The following COMMD10 variants were observed in gnomAD, a reference collection of about 807,000 sequenced individuals.
COMMD10 encodes the protein COMM domain containing 10, also known as COMM domain-containing protein 10.
COMMD10 carries 33 observed loss-of-function variants against 28.9 expected under a neutral mutation model. That is an observed-to-expected ratio of 1.14 (90% CI 0.87 to 1.53). The LOEUF (loss-of-function observed/expected upper bound fraction) is 1.53, where lower values mean the gene tolerates loss of function less well. Among genes scored for constraint, COMMD10 ranks in the 40% most tolerant of loss-of-function variants. The probability of loss-of-function intolerance (pLI) is 0.00; values close to 1 mark genes in which losing one functional copy is unlikely to be tolerated. For synonymous variants in COMMD10, 110 were observed against 81.7 expected, an observed-to-expected ratio of 1.35 and a Z score of -1.87; for missense variants, 310 against 233.4, an observed-to-expected ratio of 1.33 and a Z score of -2.14.
intron 4 of COMMD10, among the ~76,000 whole-genome samples, chr5:116,114,275 A>G (rs991094372): frequency 6.6e-6 from 1 of 151,900 alleles, no homozygotes; most frequent in Non-Finnish European, 1.5e-5. Flanking sequence ...TCTTTTGGAT[A>G]CCAGTTGTGG....
chr5:116,284,973 C>A (rs1282237862), intron 5 of COMMD10, among the ~76,000 whole-genome samples: 1 of 151,886 alleles, frequency 6.6e-6, no homozygotes, highest in African/African-American at 2.4e-5. Context: ...TGAAAATCCA[C>A]TTAATTGATG....
chr5:116,187,791 T>A (rs1748191249), intron 5 of COMMD10, among the ~76,000 whole-genome samples: 1 of 152,202 alleles, frequency 6.6e-6, no homozygotes, highest in Non-Finnish European at 1.5e-5. Flanking sequence ...GAATTCCAAG[T>A]ATTTATACTT....
intron 5 of COMMD10, among the ~76,000 whole-genome samples, chr5:116,245,067 T>G (rs1208211567): frequency 6.8e-6 from 1 of 147,440 alleles, no homozygotes; most frequent in Non-Finnish European, 1.5e-5. Flanking sequence ...AAAAAATTAA[T>G]AAAATACATA....
At chr5:116,277,042 T>C (rs2112703843) in intron 5 of COMMD10, among the ~76,000 whole-genome samples, 1 of 151,948 alleles carries the variant, frequency 6.6e-6, no homozygotes, top group African/African-American at 2.4e-5. Context: ...CATGAATATT[T>C]CCATAAAGCT....
intron 5 of COMMD10, among the ~76,000 whole-genome samples, chr5:116,274,679 C>T (rs555572220): frequency 4.6e-5 from 7 of 151,790 alleles, no homozygotes; most frequent in Non-Finnish European, 8.8e-5. Flanking sequence ...CATTTGGATT[C>T]TTGGGAGCAG....
chr5:116,243,685 G>C (rs1223086492), intron 5 of COMMD10, among the ~76,000 whole-genome samples: 1 of 152,104 alleles, frequency 6.6e-6, no homozygotes, highest in African/African-American at 2.4e-5. Flanking sequence ...TCTATCTCAA[G>C]TCAAAAACAT....
intron 5 of COMMD10, among the ~76,000 whole-genome samples, chr5:116,187,191 AC>A (rs1320657068): frequency 1.3e-5 from 2 of 152,118 alleles, no homozygotes; most frequent in Non-Finnish European, 2.9e-5. Context: ...AATATATTAG[AC>A]CCTTTTCAGC....
chr5:116,151,195 C>G (rs1342702973), intron 5 of COMMD10, among the ~76,000 whole-genome samples: 2 of 151,562 alleles, frequency 1.3e-5, no homozygotes, highest in Non-Finnish European at 2.9e-5. Context: ...AGCCTTGCAT[C>G]CCAGGGATGA....
chr5:116,211,325 A>G (rs1024731203), intron 5 of COMMD10, among the ~76,000 whole-genome samples: 4 of 152,168 alleles, frequency 2.6e-5, no homozygotes, highest in African/African-American at 9.7e-5. Flanking sequence ...CAGCTATGCT[A>G]TATCATATAG....
chr5:116,239,686 A>ATT (rs1027265781), intron 5 of COMMD10, among the ~76,000 whole-genome samples: 17 of 152,160 alleles, frequency 1.1e-4, no homozygotes, highest in African/African-American at 4.1e-4. Flanking sequence ...GTGCAAACCA[A>ATT]TTAAAAGCCC....
At chr5:116,088,636 AC>A (rs1750200713) in intron 2 of COMMD10, among the ~76,000 whole-genome samples, 1 of 152,144 alleles carries the variant, frequency 6.6e-6, no homozygotes, top group South Asian at 2.1e-4. Flanking sequence ...CCCATTTACT[AC>A]AACTTGCCAT....
intron 5 of COMMD10, among the ~76,000 whole-genome samples, chr5:116,260,248 A>C (rs1196617714): frequency 6.6e-6 from 1 of 151,824 alleles, no homozygotes; most frequent in East Asian, 1.9e-4. Context: ...AATGTGCTGA[A>C]TATTGCTGAT....
chr5:116,270,506 T>A (rs1415519124), intron 5 of COMMD10, among the ~76,000 whole-genome samples: 1 of 151,818 alleles, frequency 6.6e-6, no homozygotes, highest in Admixed American at 6.6e-5. Flanking sequence ...AGAATGGAGA[T>A]ACTGATGAAA....
intron 5 of COMMD10, among the ~76,000 whole-genome samples, chr5:116,231,768 C>T (rs1580567587): frequency 6.6e-6 from 1 of 151,814 alleles, no homozygotes; most frequent in East Asian, 1.9e-4. Flanking sequence ...TTATTGGCTA[C>T]TTAAAAGTCT....
chr5:116,187,160 C>G (rs188918013), intron 5 of COMMD10, among the ~76,000 whole-genome samples: 2 of 152,004 alleles, frequency 1.3e-5, no homozygotes, highest in African/African-American at 4.8e-5. Context: ...AAAAGAGACC[C>G]CAGAAAGTGT....
chr5:116,141,678 G>A (rs567570718), intron 5 of COMMD10, among the ~76,000 whole-genome samples: 1 of 151,888 alleles, frequency 6.6e-6, no homozygotes, highest in Middle Eastern at 3.4e-3. Context: ...CAATGGTATA[G>A]TAGCGGGGGG....
At chr5:116,232,699 T>C (rs371849170) in intron 5 of COMMD10, among the ~76,000 whole-genome samples, 2 of 152,214 alleles carry the variant, frequency 1.3e-5, no homozygotes, top group South Asian at 4.1e-4. Flanking sequence ...CAAGACTCCG[T>C]CTCAAAAAAT....
intron 4 of COMMD10, among the ~76,000 whole-genome samples, chr5:116,129,353 A>G (rs1191954607): frequency 6.9e-6 from 1 of 145,820 alleles, no homozygotes; most frequent in Admixed American, 7.0e-5. Context: ...TATAGTATAT[A>G]TATGCTATAT....
At chr5:116,263,501 T>A (rs1168321875) in intron 5 of COMMD10, among the ~76,000 whole-genome samples, 9 of 151,754 alleles carry the variant, frequency 5.9e-5, no homozygotes. Context: ...TTGTTTTCCT[T>A]CCTTTCTTTC....
Sources: gnomAD v4.1 joint callset for allele counts (sites outside exome capture counted in the v4.1 genomes callset) on GRCh38, gnomAD v4.1.1 for gene constraint, MANE v1.5 for transcripts, NCBI Gene and HGNC (gene_info 2026-07-23, HGNC 2026-07-21) for gene names.